RBMS3: variants seen among roughly 807,000 people sequenced by gnomAD.
The protein encoded by RBMS3 is RNA-binding motif, single-stranded-interacting protein 3.
Under a neutral mutation model 66.8 loss-of-function variants are expected in RBMS3, and 27 were observed. That is an observed-to-expected ratio of 0.40 (90% CI 0.30 to 0.56). RBMS3 has a LOEUF of 0.56. Among genes scored for constraint, RBMS3 ranks in the 20% least tolerant of loss-of-function variants. The pLI, the probability that RBMS3 is intolerant of heterozygous loss-of-function variation, is 0.40. For missense variants in RBMS3, 513 were observed against 549.5 expected, an observed-to-expected ratio of 0.93 and a Z score of 0.66; for synonymous variants, 188 against 183.0, an observed-to-expected ratio of 1.03 and a Z score of -0.22.
At chr3:29,853,427 T>A (rs985057306) in intron 6 of RBMS3, among the ~76,000 whole-genome samples, 1 of 131,312 alleles carries the variant, frequency 7.6e-6, no homozygotes, top group Non-Finnish European at 1.7e-5. Context: ...TACTTTCTTT[T>A]TTTTTTTTTT....
Position 29,488,351 on chromosome 3 carries a change from A to C in RBMS3, c.249-90A>C, listed in dbSNP as rs1160012321. 5 of 1,070,912 alleles carry C rather than the reference A, an allele frequency of 4.7e-6. No individual in the cohort carries two copies. In the African/African-American group the frequency reaches 6.3e-5, roughly 14 times the overall value. The allele number at this position is 1,070,912 out of a possible 1,614,324, so 66.3% of individuals were successfully genotyped here. A position where few individuals can be genotyped will look rare whatever the true frequency, so the allele number is the denominator to read the frequency against. On this transcript the variant is annotated intron_variant, in intron 2 of 14. Coordinates refer to ENST00000383767, the MANE Select transcript of RBMS3 (RefSeq NM_001003793.3). ...TTGTTTTCTTGGTTTATGCATGCTCAGTTGTGTGTGCCCCGATGTTCATTA... is the reference window on the plus strand; with the variant it reads ...TTGTTTTCTTGGTTTATGCATGCTCCGTTGTGTGTGCCCCGATGTTCATTA...
chr3:29,549,590 G>A (rs1171500481), intron 3 of RBMS3, among the ~76,000 whole-genome samples: 1 of 151,762 alleles, frequency 6.6e-6, no homozygotes, highest in Non-Finnish European at 1.5e-5. Context: ...AGTAGAGATG[G>A]GGTTTCACTT....
chr3:29,736,151 T>C (rs2054369026), intron 4 of RBMS3, among the ~76,000 whole-genome samples: 1 of 152,222 alleles, frequency 6.6e-6, no homozygotes, highest in South Asian at 2.1e-4. Flanking sequence ...ATGCATAATT[T>C]AAATTCTATT....
At chr3:29,801,488 G>A (rs530315100) in intron 6 of RBMS3, among the ~76,000 whole-genome samples, 2 of 151,940 alleles carry the variant, frequency 1.3e-5, no homozygotes, top group East Asian at 1.9e-4. Context: ...GGCTGGTCTC[G>A]AACTCCTGCC....
intron 1 of RBMS3, among the ~76,000 whole-genome samples, chr3:29,305,306 T>C (rs1468499450): frequency 1.3e-5 from 2 of 151,984 alleles, no homozygotes; most frequent in Admixed American, 1.3e-4. Flanking sequence ...GTTTATTTTC[T>C]TACTTGTTTG....
chr3:29,610,182 A>G (rs1445689839), intron 4 of RBMS3, among the ~76,000 whole-genome samples: 1 of 152,066 alleles, frequency 6.6e-6, no homozygotes, highest in Non-Finnish European at 1.5e-5. Flanking sequence ...AGATGATACA[A>G]GATAAATGTG....
chr3:29,978,709 A>ACTTAAATTAT (rs1697764341), intron 12 of RBMS3, among the ~76,000 whole-genome samples: 1 of 152,194 alleles, frequency 6.6e-6, no homozygotes, highest in Non-Finnish European at 1.5e-5. Context: ...TATATTTCTT[A>ACTTAAATTAT]CTTAAATTAT....
chr3:29,540,627 T>G (rs1367444428), intron 3 of RBMS3, among the ~76,000 whole-genome samples: 1 of 152,218 alleles, frequency 6.6e-6, no homozygotes, highest in African/African-American at 2.4e-5. Flanking sequence ...GATTAAATTA[T>G]AATCCTCCTC....
At chr3:29,287,546 T>C (rs1269102602) in intron 1 of RBMS3, among the ~76,000 whole-genome samples, 1 of 152,082 alleles carries the variant, frequency 6.6e-6, no homozygotes, top group Non-Finnish European at 1.5e-5. Context: ...GTTGTATAAA[T>C]ATTGCTCTTT....
At chr3:29,599,126 T>C (rs2048060583) in intron 4 of RBMS3, among the ~76,000 whole-genome samples, 1 of 150,614 alleles carries the variant, frequency 6.6e-6, no homozygotes, top group African/African-American at 2.4e-5. Context: ...AGAGAAAACA[T>C]GGCAAGCATG....
intron 7 of RBMS3, among the ~76,000 whole-genome samples, chr3:29,875,391 G>T (rs1427593691): frequency 1.3e-5 from 2 of 152,192 alleles, no homozygotes; most frequent in East Asian, 1.9e-4. Flanking sequence ...ACTTAACCAT[G>T]TTATGGTGGG....
intron 1 of RBMS3, among the ~76,000 whole-genome samples, chr3:29,371,785 G>A (rs1246781306): frequency 1.3e-5 from 2 of 152,184 alleles, no homozygotes; most frequent in Non-Finnish European, 2.9e-5. Context: ...CTGGAGGAGA[G>A]AGGAATTAAA....
Position 29,888,533 on chromosome 3 carries a change from G to A in RBMS3, c.791+4325G>A, listed in dbSNP as rs182492402. On this transcript the variant is annotated intron_variant, in intron 8 of 14. Transcript: ENST00000383767. ...TTCTTTCTTCTCTCTAGTTGCTCTC[G>A]TCTACCTCTCTTGCTTTCTGGAAAG... Among the ~76,000 whole-genome samples the A allele has an allele frequency of 5.7e-4, 86 of 151,326 alleles. 1 individual carries two copies. The South Asian group carries it at 0.013, about 22-fold the overall frequency.
intron 4 of RBMS3, among the ~76,000 whole-genome samples, chr3:29,701,688 C>T (rs1266283632): frequency 6.6e-6 from 1 of 152,124 alleles, no homozygotes; most frequent in African/African-American, 2.4e-5. Flanking sequence ...CCGGCGCCAC[C>T]GGCCTTGGGC....
chr3:29,956,210 TG>T (rs1483040113), intron 12 of RBMS3, among the ~76,000 whole-genome samples: 1 of 152,126 alleles, frequency 6.6e-6, no homozygotes, highest in Non-Finnish European at 1.5e-5. Flanking sequence ...ATGTGTTTAA[TG>T]GTGAGTGCTT....
chr3:29,786,242 T>C (rs1221132884), intron 6 of RBMS3, among the ~76,000 whole-genome samples: 3 of 152,050 alleles, frequency 2.0e-5, no homozygotes, highest in African/African-American at 7.2e-5. Context: ...AGAATCAGTG[T>C]TGTGAAAATG....
rs113440136 is a variant in RBMS3, at chr3:29,406,063, T to C, written c.76-28680T>C. 6.5e-4 allele frequency among the ~76,000 whole-genome samples: 99 copies of C among 152,338 alleles called. 2 individuals carry two copies. Among genetic ancestry groups the C allele is most frequent in the African/African-American group, 2.2e-3 (93 of 41,588 alleles). On this transcript the variant is annotated intron_variant, in intron 1 of 14. Transcript: ENST00000383767. ...GAGATGCAAATAAACACCCAGACTATGTTTAACAAACCTTAAAGTTATACT... is the reference window on the plus strand; with the variant it reads ...GAGATGCAAATAAACACCCAGACTACGTTTAACAAACCTTAAAGTTATACT...
In RBMS3 at chr3:29,901,868, A is replaced by G. The variant is rs143744249; in HGVS notation, c.939+2113A>G. Reference sequence around the variant, plus strand: ...TAGATGGAGAAAAGGGCAAAACAGTATCATGGAAACACAGAGTTTGTACCA... The same window carrying G: ...TAGATGGAGAAAAGGGCAAAACAGTGTCATGGAAACACAGAGTTTGTACCA... On this transcript the variant is annotated intron_variant, in intron 10 of 14. Transcript: ENST00000383767. 2.5e-3 allele frequency among the ~76,000 whole-genome samples: 385 copies of G among 151,982 alleles called. 3 individuals carry two copies. The Middle Eastern group carries it at 0.027, about 11-fold the overall frequency.
chr3:29,765,032 G>C (rs2055863470), intron 6 of RBMS3, among the ~76,000 whole-genome samples: 1 of 152,006 alleles, frequency 6.6e-6, no homozygotes, highest in Non-Finnish European at 1.5e-5. Flanking sequence ...ATCAGTGCTT[G>C]AATCTGCTTA....
Sources: gnomAD v4.1 joint callset for allele counts (sites outside exome capture counted in the v4.1 genomes callset) on GRCh38, gnomAD v4.1.1 for gene constraint, MANE v1.5 for transcripts, NCBI Gene and HGNC (gene_info 2026-07-23, HGNC 2026-07-21) for gene names.